POLE: variants seen among roughly 807,000 people sequenced by gnomAD.
The protein encoded by POLE is DNA polymerase epsilon catalytic subunit A.
In POLE, 188 loss-of-function variants were observed where a neutral mutation model predicts 279.2. The ratio of observed to expected loss-of-function variants is 0.67; its 90% CI spans 0.60 to 0.76. The LOEUF is 0.76. Among genes scored for constraint, POLE ranks in the 30% least tolerant of loss-of-function variants. The probability of loss-of-function intolerance (pLI) is 0.00; values close to 1 mark genes in which losing one functional copy is unlikely to be tolerated. For synonymous variants in POLE, 1,214 were observed against 1,172.5 expected (o/e 1.04, Z -0.72); for missense variants, 2,703 against 3,016.7 (o/e 0.90, Z 2.44).
In POLE at chr12:132,643,476, C is replaced by G. The variant is rs778238908; in HGVS notation, c.4375G>C (p.Glu1459Gln). Residue 1459 changes from glutamate (E) to glutamine (Q), a missense_variant, in exon 34 of 49, where the codon GAA becomes CAA. By Grantham distance (29) the Glu-to-Gln change is conservative. This residue lies in a region of POLE where 1,551 missense variants were observed against 1,686.1 expected (regional missense o/e 0.92). Transcript: ENST00000320574. ...TGCTCAAGAGCAAAGGTCTCTGCTT[C>G]CCAGCCTGAAAGGTGCCTCACCAGC... ...KQLVRHLSGWEAETFALEHLE... is the reference protein window; with the variant it reads ...KQLVRHLSGWQAETFALEHLE... The G allele has an allele frequency of 1.2e-6, 2 of 1,614,104 alleles. No homozygotes were observed. Among genetic ancestry groups the G allele is most frequent in the Non-Finnish European group, 1.7e-6 (2 of 1,180,038 alleles).
rs145576496 is a variant in POLE, at chr12:132,629,300, C to T, written c.6331-2983G>A. 1.3e-4 allele frequency among the ~76,000 whole-genome samples: 20 copies of T among 152,358 alleles called. No individual in the cohort carries two copies. In the East Asian group the frequency reaches 3.3e-3, roughly 25 times the overall value. On this transcript the variant is annotated intron_variant, in intron 45 of 48. Coordinates refer to ENST00000320574, the MANE Select transcript of POLE (RefSeq NM_006231.4). ...GACTTAAAGTCACCAGCTGCATCTG[C>T]CGCTAACAAGAGTCAGCCTTTCCTC...
chr12:132,674,852 T>TTC (rs2043008340), intron 12 of POLE, among the ~76,000 whole-genome samples: 2 of 77,286 alleles, frequency 2.6e-5, no homozygotes, highest in African/African-American at 1.0e-4. Flanking sequence ...CTTCCCTCCC[T>TTC]CCCTTCCCTT....
chr12:132,634,142 A>G lies in POLE; in HGVS notation c.6004+44T>C. 1 of 1,514,184 alleles carries G rather than the reference A, an allele frequency of 6.6e-7. No individual in the cohort carries two copies. Among genetic ancestry groups the G allele is most frequent in the South Asian group, 1.2e-5 (1 of 81,748 alleles). 93.8% of individuals were successfully genotyped at this position (1,514,184 alleles called of 1,614,324 possible). A position where few individuals can be genotyped will look rare whatever the true frequency, so the allele number is the denominator to read the frequency against. On this transcript the variant is annotated intron_variant, in intron 43 of 48. Coordinates refer to ENST00000320574, the MANE Select transcript of POLE (RefSeq NM_006231.4). This position sits in a 1 kb window ranked among gnomAD's most constrained non-coding sequence, Gnocchi z 4.0. ...ACAGGAGCCACATCTACTAACCATG[A>G]GTCCCTTCAGTGGGGGCTGCGCAGC...
chr12:132,640,157 C>T (rs192653293), intron 39 of POLE, among the ~76,000 whole-genome samples: 2 of 152,342 alleles, frequency 1.3e-5, no homozygotes, highest in East Asian at 1.9e-4. Context: ...TTCCCTCACA[C>T]GCCTAGCTGC....
chr12:132,630,207 C>T (rs1215376595), intron 45 of POLE, among the ~76,000 whole-genome samples: 1 of 152,190 alleles, frequency 6.6e-6, no homozygotes, highest in Non-Finnish European at 1.5e-5. Flanking sequence ...GACACAGACA[C>T]AGTGAGCACA....
At chr12:132,687,116 C>G (rs2043291865) in intron 1 of POLE, 138 bp downstream of exon 1, 19 of 452,508 alleles carry the variant, frequency 4.2e-5, no homozygotes, top group Non-Finnish European at 6.4e-5. Context: ...GGCGCGCCGC[C>G]CTACCCCAGT....
At chr12:132,640,381 A>G (rs1334563859) in intron 39 of POLE, among the ~76,000 whole-genome samples, 1 of 152,190 alleles carries the variant, frequency 6.6e-6, no homozygotes, top group Non-Finnish European at 1.5e-5. Context: ...CACTAGGGGG[A>G]ACACAAGGCT....
chr12:132,678,147 C>T (rs761078257), intron 6 of POLE, among the ~76,000 whole-genome samples: 7 of 152,088 alleles, frequency 4.6e-5, no homozygotes, highest in Non-Finnish European at 1.0e-4. Context: ...CACTGCACTC[C>T]AGCCTGGGCA....
chr12:132,677,199 G>A (rs906463111), intron 8 of POLE, among the ~76,000 whole-genome samples, 164 bp downstream of exon 8: 1 of 152,172 alleles, frequency 6.6e-6, no homozygotes, highest in Non-Finnish European at 1.5e-5. Context: ...AAATGATACT[G>A]TCAGAAACTG....
chr12:132,643,145 C>T, intron 35 of POLE, 79 bp downstream of exon 35: 5 of 1,508,880 alleles, frequency 3.3e-6, no homozygotes, highest in Non-Finnish European at 4.5e-6. Flanking sequence ...ACCTGGAGGG[C>T]CTGGGCACCC....
rs1555228282 is a variant in POLE at position 132,672,685 on chromosome 12, T to G, written c.1628A>C (p.His543Pro). The G allele has an allele frequency of 1.2e-6, 2 of 1,614,138 alleles. No homozygotes were observed. The highest frequency in any genetic ancestry group is 1.7e-6 in the Non-Finnish European group (2 of 1,180,018). ...AACCCCAGACTCGAGGGCCTCCACG[T>G]GGCCCCCGACGTAGGTCTCAGAGTC... ...VLDSETYVGG[H>P]VEALESGVFR... is the part of the protein sequence containing the mutation. The change falls in exon 15 of 49, where the codon CAC (histidine) becomes CCC (proline). Residue 543 changes from histidine to proline, a missense_variant. His to Pro is a moderately conservative substitution (Grantham distance 77, BLOSUM62 -2). This residue lies in a region of POLE where 1,011 missense variants were observed against 1,111.7 expected (regional missense o/e 0.91). Transcript: ENST00000320574.
intron 48 of POLE, 21 bp downstream of exon 48, chr12:132,624,884 G>C: frequency 6.2e-7 from 1 of 1,609,682 alleles, no homozygotes; most frequent in Non-Finnish European, 8.5e-7. Flanking sequence ...GCTGAGCCGA[G>C]GCAGATGAGG....
chr12:132,634,074 C>T lies in POLE; in HGVS notation c.6004+112G>A. 1 of 1,014,040 alleles carries T rather than the reference C, an allele frequency of 9.9e-7. No individual in the cohort carries two copies. The highest frequency in any genetic ancestry group is 1.5e-6 in the Non-Finnish European group (1 of 679,146). 62.8% of individuals were successfully genotyped at this position (1,014,040 alleles called of 1,614,324 possible). A position where few individuals can be genotyped will look rare whatever the true frequency, so the allele number is the denominator to read the frequency against. On this transcript the variant is annotated intron_variant, in intron 43 of 48. Coordinates refer to ENST00000320574, the MANE Select transcript of POLE (RefSeq NM_006231.4). This position sits in a 1 kb window ranked among gnomAD's most constrained non-coding sequence, Gnocchi z 4.0. ...AGTCCCAACTGCTGGGCAGGCTCCG[C>T]CCGATCTGATTTTCCCTGTCTCCCT... is the stretch of plus-strand genomic sequence containing the variant.
intron 20 of POLE, among the ~76,000 whole-genome samples, chr12:132,667,257 C>G (rs771621587): frequency 2.0e-5 from 3 of 152,128 alleles, no homozygotes; most frequent in African/African-American, 4.8e-5. Context: ...GCTTGCTGAC[C>G]CCTGCTCTAA....
chr12:132,667,951 C>T lies in POLE; in HGVS notation c.2174-303G>A, dbSNP rs143795828. Among the ~76,000 whole-genome samples, 2,594 of 152,132 alleles carry T rather than the reference C, an allele frequency of 0.017. 64 individuals are homozygous for T. Among genetic ancestry groups the T allele is most frequent in the African/African-American group, 0.057 (2,376 of 41,482 alleles). On this transcript the variant is annotated intron_variant, in intron 19 of 48. Transcript: ENST00000320574. Reference sequence around the variant, plus strand: ...ACAAAAAATTAGCTAGGCATGGTGGCGCACACCTGTAGTCCCAGCTACTTA... The same window carrying T: ...ACAAAAAATTAGCTAGGCATGGTGGTGCACACCTGTAGTCCCAGCTACTTA...
chr12:132,665,309 G>T lies in POLE; in HGVS notation c.2461C>A (p.Arg821Ser). Residue 821 changes from arginine to serine, a missense_variant, in exon 21 of 49, where the codon CGC becomes AGC. Physicochemically the swap from Arg to Ser is moderately radical, Grantham distance 110 (BLOSUM62 -1). Around this residue, in one of 5 missense-constraint regions of POLE, gnomAD observed 1,011 missense variants for 1,111.7 expected, o/e 0.91. Coordinates refer to ENST00000320574, the MANE Select transcript of POLE (RefSeq NM_006231.4). ...GGGCCCGGGCCCACCTACCCCTTGC[G>T]CATGACATAGCCATAGAAGGAGTTC... is the stretch of plus-strand genomic sequence containing the variant. ...ILNSFYGYVM[R>S]KGARWYSMEM... 6.2e-7 allele frequency: 1 copy of T among 1,613,354 alleles called. No homozygotes were observed. Among genetic ancestry groups the T allele is most frequent in the Non-Finnish European group, 8.5e-7 (1 of 1,179,652 alleles).
chr12:132,668,966 G>A lies in POLE; in HGVS notation c.1795-27C>T, dbSNP rs776669903. Reference sequence around the variant, plus strand: ...TGCAGAGAAAGCGAAACTCAGTAGAGGCTGGTGACCAAGCTTGCCTCGTGT... The same window carrying A: ...TGCAGAGAAAGCGAAACTCAGTAGAAGCTGGTGACCAAGCTTGCCTCGTGT... On this transcript the variant is annotated intron_variant, in intron 16 of 48. Transcript: ENST00000320574. This position sits in a 1 kb window ranked among gnomAD's most constrained non-coding sequence, Gnocchi z 4.0. 1.9e-6 allele frequency: 3 copies of A among 1,607,456 alleles called. No individual in the cohort carries two copies. The highest frequency in any genetic ancestry group is 2.6e-6 in the Non-Finnish European group (3 of 1,174,918).
chr12:132,652,105 C>A (rs1352610773), intron 29 of POLE, among the ~76,000 whole-genome samples: 1 of 152,108 alleles, frequency 6.6e-6, no homozygotes, highest in Non-Finnish European at 1.5e-5. Context: ...CAAACATACA[C>A]GAAAGCACAG....
At position 132,657,292 on chromosome 12, in the gene POLE, C is replaced by T. The variant is rs183039142; in HGVS notation, c.3460-34G>A. Reference sequence around the variant, plus strand: ...GGCCAACACCCATCAGAGAGAGACCCTTGTCTAACTGCACAGTTTTTAGCC... The same window carrying T: ...GGCCAACACCCATCAGAGAGAGACCTTTGTCTAACTGCACAGTTTTTAGCC... On this transcript the variant is annotated intron_variant, in intron 28 of 48. Transcript: ENST00000320574. 375 of 1,614,056 alleles carry T rather than the reference C, an allele frequency of 2.3e-4. No individual in the cohort carries two copies. The highest frequency in any genetic ancestry group is 2.9e-4 in the Non-Finnish European group (345 of 1,179,998).
Sources: gnomAD v4.1 joint callset for allele counts (sites outside exome capture counted in the v4.1 genomes callset) on GRCh38, gnomAD v4.1.1 for gene constraint, gnomAD v4.1.1 regional missense constraint, Gnocchi (gnomAD v3.1) non-coding constraint, MANE v1.5 for transcripts, NCBI Gene and HGNC (gene_info 2026-07-23, HGNC 2026-07-21) for gene names.